KCNQ5: variants seen among roughly 807,000 people sequenced by gnomAD.
The protein encoded by KCNQ5 is potassium voltage-gated channel subfamily KQT member 5.
KCNQ5 carries 30 observed loss-of-function variants against 98.2 expected under a neutral mutation model. The ratio of observed to expected loss-of-function variants is 0.31; its 90% CI spans 0.23 to 0.41. The LOEUF is 0.41. Among genes scored for constraint, KCNQ5 ranks in the 10% least tolerant of loss-of-function variants. The pLI, the probability that KCNQ5 is intolerant of heterozygous loss-of-function variation, is 1.00. For missense variants in KCNQ5, 835 were observed against 1,182.5 expected (o/e 0.71, Z 4.31); for synonymous variants, 458 against 449.4 (o/e 1.02, Z -0.24).
chr6:73,149,775 C>T (rs1448270895), intron 10 of KCNQ5, among the ~76,000 whole-genome samples: 3 of 127,984 alleles, frequency 2.3e-5, no homozygotes, highest in South Asian at 2.4e-4. Context: ...CCAGCATGGG[C>T]GACAGTGGGA....
chr6:73,051,644 A>G (rs913740929), intron 3 of KCNQ5, among the ~76,000 whole-genome samples: 1 of 151,374 alleles, frequency 6.6e-6, no homozygotes, highest in Admixed American at 6.6e-5. Flanking sequence ...AAATGAAGCC[A>G]GTCAACTGAA....
In KCNQ5 at chr6:72,994,666, G is replaced by A. The variant is rs1028624305; in HGVS notation, c.399-9242G>A. ...CTGTAGACCGGAGCTGTTCCTATTC[G>A]GCCATCTTGGCTCCTCCTCCCATGA... On this transcript the variant is annotated intron_variant, in intron 1 of 13. Coordinates refer to ENST00000370398, the MANE Select transcript of KCNQ5 (RefSeq NM_019842.4). Among the ~76,000 whole-genome samples the A allele has an allele frequency of 2.0e-4, 30 of 151,652 alleles. 1 individual carries two copies. Among genetic ancestry groups the A allele is most frequent in the Middle Eastern group, 3.4e-3 (1 of 294 alleles).
chr6:72,681,235 G>A (rs1013113713), intron 1 of KCNQ5, among the ~76,000 whole-genome samples: 27 of 152,168 alleles, frequency 1.8e-4, no homozygotes, highest in African/African-American at 2.7e-4. Context: ...TAAAGCAACG[G>A]GGGCTTGCTG....
chr6:72,695,178 C>A (rs144608877), intron 1 of KCNQ5, among the ~76,000 whole-genome samples: 10 of 151,994 alleles, frequency 6.6e-5, no homozygotes, highest in African/African-American at 1.9e-4. Context: ...TGTACATATA[C>A]CTCTCTATAT....
intron 1 of KCNQ5, among the ~76,000 whole-genome samples, chr6:72,833,611 T>C (rs189740666): frequency 6.6e-6 from 1 of 152,298 alleles, no homozygotes; most frequent in East Asian, 1.9e-4. Context: ...GATAGAGTTT[T>C]AACATTAATT....
At position 72,698,349 on chromosome 6, in the gene KCNQ5, G is replaced by A. The variant is rs561966938; in HGVS notation, c.398+75762G>A. On this transcript the variant is annotated intron_variant, in intron 1 of 13. Coordinates refer to ENST00000370398, the MANE Select transcript of KCNQ5 (RefSeq NM_019842.4). ...CTCCTGAGTAGGTGGGATTACAGGC[G>A]TGTGCCACCACGCCTGGCTAATTTT... Among the ~76,000 whole-genome samples, 10 of 152,000 alleles carry A rather than the reference G, an allele frequency of 6.6e-5. No homozygotes were observed. The East Asian group carries it at 9.7e-4, about 15-fold the overall frequency.
At chr6:73,071,348 T>C (rs1773291741) in intron 3 of KCNQ5, among the ~76,000 whole-genome samples, 1 of 152,228 alleles carries the variant, frequency 6.6e-6, no homozygotes, top group Non-Finnish European at 1.5e-5. Context: ...TCAAGAAATT[T>C]AGCCTTAAAT....
At chr6:72,783,683 A>G (rs1426286906) in intron 1 of KCNQ5, among the ~76,000 whole-genome samples, 1 of 152,224 alleles carries the variant, frequency 6.6e-6, no homozygotes, top group East Asian at 1.9e-4. Context: ...AAAGAAAAGT[A>G]AGGAACTCTA....
At chr6:72,886,020 A>G (rs1428532109) in intron 1 of KCNQ5, among the ~76,000 whole-genome samples, 3 of 152,198 alleles carry the variant, frequency 2.0e-5, no homozygotes, top group Admixed American at 6.5e-5. Flanking sequence ...AAAGAAAATC[A>G]TATCTGGGAG....
At position 73,194,380 on chromosome 6, in the gene KCNQ5, T is replaced by G. The variant is rs556683829; in HGVS notation, c.1837-72T>G. On this transcript the variant is annotated intron_variant, in intron 13 of 13. Coordinates refer to ENST00000370398, the MANE Select transcript of KCNQ5 (RefSeq NM_019842.4). ...TGTTGGCACACCTTGACTTCATTTT[T>G]CAAAATTAAAAAATGAAGTCCATTC... 2.7e-5 allele frequency: 38 copies of G among 1,409,728 alleles called. 1 individual carries two copies. The South Asian group carries it at 5.1e-4, about 19-fold the overall frequency. The allele number at this position is 1,409,728 out of a possible 1,614,324, so 87.3% of individuals were successfully genotyped here. A position where few individuals can be genotyped will look rare whatever the true frequency, so the allele number is the denominator to read the frequency against.
intron 1 of KCNQ5, among the ~76,000 whole-genome samples, chr6:72,631,987 T>A (rs992963640): frequency 7.9e-5 from 12 of 152,166 alleles, no homozygotes; most frequent in Non-Finnish European, 1.0e-4. Flanking sequence ...AGGGGGAGGT[T>A]TAGTAACCTG....
intron 11 of KCNQ5, among the ~76,000 whole-genome samples, chr6:73,170,576 A>AAAAG (rs60196338): frequency 0.028 from 4,301 of 151,034 alleles, 117 homozygotes; most frequent in East Asian, 0.1. Flanking sequence ...CAAAAAAAAA[A>AAAAG]AAAAGAAAAG....
At chr6:72,853,994 C>T (rs1777410517) in intron 1 of KCNQ5, among the ~76,000 whole-genome samples, 1 of 152,056 alleles carries the variant, frequency 6.6e-6, no homozygotes, top group South Asian at 2.1e-4. Context: ...TTTTGTAAAC[C>T]ACTTCTAACA....
At chr6:73,158,180 G>A (rs6453646) in intron 10 of KCNQ5, 1 of 305,046 alleles carries the variant, frequency 3.3e-6, no homozygotes, top group Non-Finnish European at 6.4e-6. Context: ...GGGAACGTCC[G>A]GGCGAGCACG....
chr6:72,642,491 C>T (rs549483122), intron 1 of KCNQ5, among the ~76,000 whole-genome samples: 2 of 151,850 alleles, frequency 1.3e-5, no homozygotes, highest in African/African-American at 4.8e-5. Context: ...ATGTGGCCAA[C>T]AAACATATGA....
At chr6:72,865,237 T>C (rs1777929737) in intron 1 of KCNQ5, among the ~76,000 whole-genome samples, 1 of 152,220 alleles carries the variant, frequency 6.6e-6, no homozygotes, top group Non-Finnish European at 1.5e-5. Context: ...TTCCACACTC[T>C]TGCATTATCA....
rs1042290985 is a variant in KCNQ5 at position 72,918,617 on chromosome 6, G to A, written c.399-85291G>A. On this transcript the variant is annotated intron_variant, in intron 1 of 13. Coordinates refer to ENST00000370398, the MANE Select transcript of KCNQ5 (RefSeq NM_019842.4). ...TAATTAGAACTTCAAAGGAAATTGA[G>A]GGCTGGCTGGCCCTACCTTCCTTTC... Among the ~76,000 whole-genome samples the A allele has an allele frequency of 4.6e-5, 7 of 152,140 alleles. 1 individual carries two copies. Among genetic ancestry groups the A allele is most frequent in the Admixed American group, 3.9e-4 (6 of 15,278 alleles).
chr6:73,157,152 A>G (rs1385315959), intron 10 of KCNQ5, among the ~76,000 whole-genome samples: 2 of 152,230 alleles, frequency 1.3e-5, no homozygotes, highest in Non-Finnish European at 2.9e-5. Context: ...GTGCCAGGAA[A>G]CATGCAAAAT....
At chr6:72,988,867 C>T (rs1219616663) in intron 1 of KCNQ5, among the ~76,000 whole-genome samples, 13 of 93,294 alleles carry the variant, frequency 1.4e-4, no homozygotes, top group African/African-American at 4.6e-4. Flanking sequence ...CATGTGATCT[C>T]ATTGTTCAAT....
Sources: gnomAD v4.1 joint callset for allele counts (sites outside exome capture counted in the v4.1 genomes callset) on GRCh38, gnomAD v4.1.1 for gene constraint, MANE v1.5 for transcripts, NCBI Gene and HGNC (gene_info 2026-07-23, HGNC 2026-07-21) for gene names.